The following SHLD1 variants were observed in gnomAD, a reference collection of about 807,000 sequenced individuals.
SHLD1 encodes the protein shieldin complex subunit 1, also known as RINN1-REV7-interacting novel NHEJ regulator 3.
In SHLD1, 3 loss-of-function variants were observed where a neutral mutation model predicts 5.5. The ratio of observed to expected loss-of-function variants is 0.54; its 90% CI spans 0.25 to 1.40. The LOEUF is 1.40. Ranked by LOEUF, SHLD1 falls within the 40% of genes most tolerant of loss-of-function variation. The probability of loss-of-function intolerance (pLI) is 0.15; values close to 1 mark genes in which losing one functional copy is unlikely to be tolerated. For missense variants in SHLD1, 210 were observed against 244.4 expected (o/e 0.86, Z 0.94); for synonymous variants, 92 against 94.3 (o/e 0.98, Z 0.14).
intron 2 of SHLD1, among the ~76,000 whole-genome samples, chr20:5,830,076 T>C (rs1025640391): frequency 2.6e-5 from 4 of 152,154 alleles, no homozygotes; most frequent in Admixed American, 2.0e-4. Flanking sequence ...GTTATACCTA[T>C]TTGCAGTTTC....
intron 1 of SHLD1, among the ~76,000 whole-genome samples, chr20:5,761,026 A>C (rs554962067): frequency 1.2e-4 from 19 of 152,220 alleles, no homozygotes; most frequent in Admixed American, 1.2e-3. Context: ...GACATTAACA[A>C]GATTATGGAT....
At chr20:5,808,654 T>C (rs1042242274) in intron 2 of SHLD1, among the ~76,000 whole-genome samples, 2 of 152,230 alleles carry the variant, frequency 1.3e-5, no homozygotes, top group African/African-American at 4.8e-5. Context: ...CCCATGTTTT[T>C]ACTCATAAAC....
chr20:5,819,002 A>G (rs2087573581), intron 2 of SHLD1, among the ~76,000 whole-genome samples: 1 of 152,180 alleles, frequency 6.6e-6, no homozygotes, highest in African/African-American at 2.4e-5. Flanking sequence ...AGCTGGGACT[A>G]CAGGTGTGCG....
intron 2 of SHLD1, among the ~76,000 whole-genome samples, chr20:5,801,626 C>T (rs2087295436): frequency 6.6e-6 from 1 of 152,118 alleles, no homozygotes; most frequent in African/African-American, 2.4e-5. Context: ...CAGATGGGCT[C>T]TACTGGAAGG....
chr20:5,799,204 GAA>G (rs71197801), intron 2 of SHLD1, among the ~76,000 whole-genome samples: 8 of 143,974 alleles, frequency 5.6e-5, no homozygotes, highest in Admixed American at 7.0e-5. Flanking sequence ...CTCTGTCTCA[GAA>G]AAAAAAAAAA....
intron 2 of SHLD1, among the ~76,000 whole-genome samples, chr20:5,795,425 C>A (rs567049516): frequency 6.6e-6 from 1 of 151,842 alleles, no homozygotes; most frequent in Admixed American, 6.6e-5. Flanking sequence ...GGCAAAACCC[C>A]CCTCTGTACT....
At chr20:5,755,720 T>C (rs886837897) in intron 1 of SHLD1, among the ~76,000 whole-genome samples, 5 of 152,010 alleles carry the variant, frequency 3.3e-5, no homozygotes, top group South Asian at 2.1e-4. Context: ...CCACCGCGCC[T>C]GGCTAATTTT....
At chr20:5,841,246 C>A (rs563275250) in intron 2 of SHLD1, among the ~76,000 whole-genome samples, 1 of 150,800 alleles carries the variant, frequency 6.6e-6, no homozygotes, top group Non-Finnish European at 1.5e-5. Context: ...ATTGGAATAC[C>A]ATTTACATAT....
chr20:5,801,071 CT>C (rs67798135), intron 2 of SHLD1, among the ~76,000 whole-genome samples: 90,514 of 121,852 alleles, frequency 0.74, 31,579 homozygotes, highest in East Asian at 0.89. Flanking sequence ...CAGCCACCAT[CT>C]TTTTTTTTTT....
intron 1 of SHLD1, chr20:5,756,988 A>G (rs1984150852): frequency 6.5e-6 from 1 of 153,626 alleles, no homozygotes; most frequent in African/African-American, 2.4e-5. Context: ...CTTGTTCCTA[A>G]TCTTTGAGGG....
Position 5,758,110 on chromosome 20 carries a change from C to G in SHLD1, c.-5+7631C>G, listed in dbSNP as rs186309189. Among the ~76,000 whole-genome samples the G allele has an allele frequency of 1.7e-4, 26 of 151,506 alleles. No individual in the cohort carries two copies. In the East Asian group the frequency reaches 4.9e-3, roughly 28 times the overall value. ...TTCCTCCTCTTCCATGTGTTAGAAG[C>G]GTTATCCAGGAGAGGGAGATGCACC... On this transcript the variant is annotated intron_variant, in intron 1 of 2. Transcript: ENST00000303142.
chr20:5,857,018 G>A (rs1178649454), intron 2 of SHLD1, among the ~76,000 whole-genome samples: 3 of 152,154 alleles, frequency 2.0e-5, no homozygotes, highest in African/African-American at 4.8e-5. Context: ...GTCTCACTCT[G>A]TCGCCCAGGC....
At chr20:5,776,943 G>A (rs761692612) in intron 2 of SHLD1, among the ~76,000 whole-genome samples, 6 of 151,806 alleles carry the variant, frequency 4.0e-5, no homozygotes, top group Non-Finnish European at 8.8e-5. Context: ...TACCTGTCAG[G>A]TTTTATACTG....
chr20:5,799,327 G>A (rs1459996348), intron 2 of SHLD1, among the ~76,000 whole-genome samples: 3 of 151,540 alleles, frequency 2.0e-5, no homozygotes, highest in African/African-American at 7.3e-5. Flanking sequence ...TTGAGCCAGG[G>A]TCTCACTTTG....
chr20:5,773,966 G>A (rs1047457843), intron 2 of SHLD1, among the ~76,000 whole-genome samples: 2 of 152,144 alleles, frequency 1.3e-5, no homozygotes, highest in African/African-American at 4.8e-5. Context: ...CACTTTGGGA[G>A]GCCGAGGCGG....
chr20:5,852,625 T>A (rs138971261), intron 2 of SHLD1, among the ~76,000 whole-genome samples: 1 of 152,152 alleles, frequency 6.6e-6, no homozygotes, highest in African/African-American at 2.4e-5. Context: ...AACTTTTGTA[T>A]TTTTAGTAGA....
intron 2 of SHLD1, among the ~76,000 whole-genome samples, chr20:5,844,441 C>G (rs976730930): frequency 6.6e-6 from 1 of 152,130 alleles, no homozygotes; most frequent in African/African-American, 2.4e-5. Context: ...GTGCAGGTCC[C>G]CCTTAGAGGG....
intron 2 of SHLD1, among the ~76,000 whole-genome samples, chr20:5,821,251 G>C (rs926007335): frequency 1.3e-5 from 2 of 151,934 alleles, no homozygotes; most frequent in Admixed American, 1.3e-4. Context: ...GGTGGCTCAC[G>C]CCTATAATCC....
At position 5,755,944 on chromosome 20, in the gene SHLD1, T is replaced by G. The variant is rs998708029; in HGVS notation, c.-5+5465T>G. Among the ~76,000 whole-genome samples, 3 of 152,180 alleles carry G rather than the reference T, an allele frequency of 2.0e-5. No individual in the cohort carries two copies. The South Asian group carries it at 6.2e-4, about 32-fold the overall frequency. On this transcript the variant is annotated intron_variant, in intron 1 of 2. Coordinates refer to ENST00000303142, the MANE Select transcript of SHLD1 (RefSeq NM_152504.4). ...CAAACTATGACAAAGAAAATATGTT[T>G]TGGGGTAAAATCCTTTGATTTCCTT...
Sources: allele counts gnomAD v4.1 joint callset (sites outside exome capture counted in the v4.1 genomes callset), GRCh38; gene constraint gnomAD v4.1.1; transcripts MANE v1.5; gene names NCBI Gene and HGNC (gene_info 2026-07-23, HGNC 2026-07-21).